The following TMPRSS4 variants were observed in gnomAD, a reference collection of about 807,000 sequenced individuals.
The protein encoded by TMPRSS4 is transmembrane serine protease 4, also known as transmembrane protease serine 4.
A neutral mutation model predicts 56.4 loss-of-function variants in TMPRSS4; 45 were observed. The observed-to-expected ratio is 0.80, with a 90% CI of 0.63 to 1.02. The LOEUF is 1.02. Among genes scored for constraint, TMPRSS4 ranks in the 50% least tolerant of loss-of-function variants. The pLI, the probability that TMPRSS4 is intolerant of heterozygous loss-of-function variation, is 0.00. For synonymous variants in TMPRSS4, 205 were observed against 211.0 expected, an observed-to-expected ratio of 0.97 and a Z score of 0.25; for missense variants, 546 against 556.7, an observed-to-expected ratio of 0.98 and a Z score of 0.19.
chr11:118,109,717 T>C (rs142161625), intron 7 of TMPRSS4, among the ~76,000 whole-genome samples: 2 of 152,298 alleles, frequency 1.3e-5, no homozygotes, highest in Non-Finnish European at 1.5e-5. Context: ...CCTGGAAGCA[T>C]AGCCAGAAAT....
chr11:118,107,911 C>T, intron 6 of TMPRSS4, 36 bp downstream of exon 6: 1 of 1,561,386 alleles, frequency 6.4e-7, no homozygotes, highest in Non-Finnish European at 8.8e-7. Flanking sequence ...TACAGAAGGC[C>T]CCCACATGGA....
Position 118,115,271 on chromosome 11 carries a change from C to A in TMPRSS4, c.1143C>A (p.Asp381Glu). The change falls in exon 11 of 13, where the codon GAC (aspartate) becomes GAA (glutamate). Residue 381 changes from aspartate (D) to glutamate (E), a missense_variant. Physicochemically the swap from Asp to Glu is conservative, Grantham distance 45. Transcript: ENST00000437212. ...MCAGIPEGGV[D>E]TCQGDSGGPL... ...CAGGCATCCCGGAAGGGGGTGTGGA[C>A]ACCTGCCAGGTGGGGCCTCCAAGAA... 1 of 1,612,230 alleles carries A rather than the reference C, an allele frequency of 6.2e-7. No homozygotes were observed. The highest frequency in any genetic ancestry group is 8.5e-7 in the Non-Finnish European group (1 of 1,179,758).
intron 7 of TMPRSS4, among the ~76,000 whole-genome samples, chr11:118,111,258 T>C (rs1227414318): frequency 6.6e-6 from 1 of 152,134 alleles, no homozygotes; most frequent in Non-Finnish European, 1.5e-5. Flanking sequence ...GAAGACAGGA[T>C]GTCAGATTGA....
rs562012749 is a variant in TMPRSS4 at position 118,113,255 on chromosome 11, G to A, written c.744-14G>A. The A allele has an allele frequency of 2.7e-5, 44 of 1,612,580 alleles. 1 individual carries two copies. The South Asian group carries it at 4.7e-4, about 17-fold the overall frequency. On this transcript the variant is annotated splice_polypyrimidine_tract_variant and intron_variant, in intron 8 of 12. Coordinates refer to ENST00000437212, the MANE Select transcript of TMPRSS4 (RefSeq NM_019894.4). ...GCTTGGATCAGGCCTGAACCCAGCT[G>A]TCTCTACCCCCAGGAAACATACCGA...
intron 2 of TMPRSS4, 135 bp from the exon 3 acceptor site, chr11:118,098,849 AC>A (rs1306856538): frequency 6.6e-6 from 4 of 604,494 alleles, no homozygotes; most frequent in Non-Finnish European, 5.8e-6. Context: ...TGCAGGAATA[AC>A]CCCCCAGCAT....
intron 8 of TMPRSS4, among the ~76,000 whole-genome samples, chr11:118,112,909 G>A (rs547019957): frequency 6.6e-6 from 1 of 150,546 alleles, no homozygotes; most frequent in East Asian, 2.0e-4. Context: ...GCTGTGCCTG[G>A]CATTGGGAAA....
At chr11:118,124,941 T>C (rs1290932057), downstream of TMPRSS4, among the ~76,000 whole-genome samples, 1 of 152,244 alleles carries the variant, frequency 6.6e-6, no homozygotes, top group East Asian at 1.9e-4. Flanking sequence ...CTTGCCCGCT[T>C]ACTTCTTTGA....
chr11:118,114,910 T>C lies in TMPRSS4; in HGVS notation c.992T>C (p.Phe331Ser). ...ATPLWIIGWGFTKQNGGKMSD... is the reference protein window; with the variant it reads ...ATPLWIIGWGSTKQNGGKMSD... ...CCACTCTGGATCATTGGATGGGGCT[T>C]TACGAAGCAGAATGGAGGTAAGTCC... The change falls in exon 10 of 13, where the codon TTT (phenylalanine) becomes TCT (serine). Residue 331 changes from phenylalanine to serine, a missense_variant. Phe to Ser is a radical substitution (Grantham distance 155). Coordinates refer to ENST00000437212, the MANE Select transcript of TMPRSS4 (RefSeq NM_019894.4). 1.2e-6 allele frequency: 2 copies of C among 1,603,972 alleles called. No homozygotes were observed. The highest frequency in any genetic ancestry group is 1.7e-6 in the Non-Finnish European group (2 of 1,175,100).
chr11:118,100,527 A>G (rs967246600), intron 3 of TMPRSS4, among the ~76,000 whole-genome samples: 1 of 152,064 alleles, frequency 6.6e-6, no homozygotes, highest in Admixed American at 6.6e-5. Flanking sequence ...GAACAGGTCC[A>G]TTTCCATCTC....
At chr11:118,123,822 C>T (rs755647897), downstream of TMPRSS4, among the ~76,000 whole-genome samples, 27 of 152,146 alleles carry the variant, frequency 1.8e-4, no homozygotes, top group Non-Finnish European at 3.7e-4. Context: ...CCGTGCCCGG[C>T]CAATTACTGT....
intron 7 of TMPRSS4, among the ~76,000 whole-genome samples, chr11:118,109,684 G>A (rs991279736): frequency 6.6e-6 from 1 of 152,198 alleles, no homozygotes; most frequent in African/African-American, 2.4e-5. Flanking sequence ...CATCCTACAA[G>A]CTTCATAGAG....
At chr11:118,088,919 G>T (rs1342912477) in intron 1 of TMPRSS4, among the ~76,000 whole-genome samples, 8 of 152,204 alleles carry the variant, frequency 5.3e-5, no homozygotes, top group Non-Finnish European at 1.0e-4. Flanking sequence ...AAGTTGCCTT[G>T]TTTCAGCTTT....
rs921230824 is a variant in TMPRSS4 at position 118,120,950 on chromosome 11, G to T, written c.*3037G>T. 1 of 152,142 alleles carries T rather than the reference G, an allele frequency of 6.6e-6. No individual in the cohort carries two copies. Among genetic ancestry groups the T allele is most frequent in the African/African-American group, 2.4e-5 (1 of 41,408 alleles). The allele number at this position is 152,142 out of a possible 1,614,324, so 9.4% of individuals were successfully genotyped here. A position where few individuals can be genotyped will look rare whatever the true frequency, so the allele number is the denominator to read the frequency against. On this transcript the variant is annotated 3_prime_UTR_variant, in exon 13 of 13. Transcript: ENST00000437212. The stretch of plus-strand genomic sequence containing the variant: ...CACCTATGTACATTATAATGAAACT[G>T]CAGAACACCAAAGACAAAAAGAAAC...
chr11:118,094,221 C>A (rs2135335388), intron 1 of TMPRSS4, among the ~76,000 whole-genome samples: 1 of 152,272 alleles, frequency 6.6e-6, no homozygotes, highest in Non-Finnish European at 1.5e-5. Flanking sequence ...TCAGCCAAAC[C>A]ATTTTCCAAA....
At chr11:118,090,213 T>G (rs533093634) in intron 1 of TMPRSS4, among the ~76,000 whole-genome samples, 1 of 152,350 alleles carries the variant, frequency 6.6e-6, no homozygotes, top group Non-Finnish European at 1.5e-5. Flanking sequence ...TGTGTGAATA[T>G]ACCAGTCAGG....
chr11:118,108,679 G>A (rs1947123490), intron 6 of TMPRSS4, 177 bp from the exon 7 acceptor site: 4 of 626,914 alleles, frequency 6.4e-6, no homozygotes, highest in Middle Eastern at 4.2e-4. Flanking sequence ...AAACGGAAGT[G>A]TCAATGCAGG....
At chr11:118,101,011 C>T (rs1946703619) in intron 3 of TMPRSS4, among the ~76,000 whole-genome samples, 1 of 152,146 alleles carries the variant, frequency 6.6e-6, no homozygotes, top group Non-Finnish European at 1.5e-5. Flanking sequence ...CTTACCCTGG[C>T]TCCTGATTAT....
At chr11:118,097,857 G>A (rs368401688) in intron 2 of TMPRSS4, among the ~76,000 whole-genome samples, 6 of 152,088 alleles carry the variant, frequency 3.9e-5, no homozygotes, top group South Asian at 2.1e-4. Context: ...TGCAACCTCC[G>A]TCTCCTGGGT....
intron 11 of TMPRSS4, among the ~76,000 whole-genome samples, chr11:118,115,838 A>G (rs1239195324): frequency 1.3e-5 from 2 of 152,098 alleles, no homozygotes; most frequent in Admixed American, 1.3e-4. Flanking sequence ...AACAACAACA[A>G]CAAAGATGAC....
Sources: gnomAD v4.1 joint callset for allele counts (sites outside exome capture counted in the v4.1 genomes callset) on GRCh38, gnomAD v4.1.1 for gene constraint, MANE v1.5 for transcripts, NCBI Gene and HGNC (gene_info 2026-07-23, HGNC 2026-07-21) for gene names.